Variants in FRY observed in about 807,000 individuals in gnomAD.
FRY encodes FRY microtubule binding protein, also known as protein furry homolog.
FRY carries 128 observed loss-of-function variants against 348.4 expected under a neutral mutation model. That is an observed-to-expected ratio of 0.37 (90% CI 0.32 to 0.43). The LOEUF is 0.43. Ranked by LOEUF, FRY falls within the 20% of genes least tolerant of loss-of-function variation. The pLI is 1.00. For missense variants in FRY, 2,736 were observed against 3,695.2 expected, an observed-to-expected ratio of 0.74 and a Z score of 6.73; for synonymous variants, 1,370 against 1,374.7, an observed-to-expected ratio of 1.00 and a Z score of 0.08.
Position 32,249,583 on chromosome 13 carries a change from A to G in FRY, c.7066A>G (p.Lys2356Glu). Reference protein sequence around the residue: ...ELQNSSGRDGKPRAMAVTRST... With the variant: ...ELQNSSGRDGEPRAMAVTRST... ...GCAGAATTCTTCTGGGCGTGATGGG[A>G]AGCCCAGGGCCATGGCCGTCACCCG... Residue 2356 changes from lysine (K) to glutamate (E), a missense_variant, in exon 49 of 61, where the codon AAG (lysine) becomes GAG (glutamate). By Grantham distance (56) the Lys-to-Glu change is moderately conservative. This residue lies in a region of FRY where 789 missense variants were observed against 996.2 expected (regional missense o/e 0.79). Coordinates refer to ENST00000542859, the MANE Select transcript of FRY (RefSeq NM_023037.3). The G allele has an allele frequency of 6.2e-7, 1 of 1,614,166 alleles. No individual in the cohort carries two copies.
At chr13:32,127,704 G>A (rs530500069) in intron 7 of FRY, among the ~76,000 whole-genome samples, 166 of 152,136 alleles carry the variant, frequency 1.1e-3, no homozygotes, top group African/African-American at 3.7e-3. Context: ...GCTTGAACCC[G>A]GGAGGCGGAG....
Position 32,231,260 on chromosome 13 carries a change from T to G in FRY, c.5487T>G (p.Phe1829Leu). ...AGAGTGCTGAACAGCTCACTAATTT[T>G]CTACGTCACGTTGTATCTGTATTTA... is the stretch of plus-strand genomic sequence containing the variant. ...NSKSAEQLTN[F>L]LRHVVSVFKD... The change falls in exon 41 of 61, where the codon TTT (phenylalanine) becomes TTG (leucine). Residue 1829 changes from phenylalanine (F) to leucine (L), a missense_variant. Phe to Leu is a conservative substitution (Grantham distance 22). Around this residue, in one of 9 missense-constraint regions of FRY, gnomAD observed 794 missense variants for 977.0 expected, o/e 0.81. Transcript: ENST00000542859. The G allele has an allele frequency of 1.2e-6, 2 of 1,613,644 alleles. No individual in the cohort carries two copies. The highest frequency in any genetic ancestry group is 1.7e-6 in the Non-Finnish European group (2 of 1,179,520).
At chr13:32,055,275 G>C (rs1205533489) in intron 1 of FRY, among the ~76,000 whole-genome samples, 1 of 152,032 alleles carries the variant, frequency 6.6e-6, no homozygotes, top group Non-Finnish European at 1.5e-5. Context: ...AAACTCCTGG[G>C]CTCAAGAGTC....
chr13:32,109,854 A>AG (rs1431574211), intron 3 of FRY, among the ~76,000 whole-genome samples: 2 of 152,252 alleles, frequency 1.3e-5, no homozygotes, highest in African/African-American at 2.4e-5. Context: ...ACTAGAGCAC[A>AG]TAAGTAAAGA....
At chr13:32,122,468 A>G (rs993457119) in intron 4 of FRY, among the ~76,000 whole-genome samples, 2 of 151,702 alleles carry the variant, frequency 1.3e-5, no homozygotes, top group Admixed American at 6.6e-5. Flanking sequence ...AAAAAAAAGC[A>G]TTAGACAAAA....
At chr13:32,286,240 CT>C (rs1889043888) in intron 58 of FRY, among the ~76,000 whole-genome samples, 1 of 152,076 alleles carries the variant, frequency 6.6e-6, no homozygotes, top group Admixed American at 6.5e-5. Context: ...AACTCAGATA[CT>C]TTTTGAAAGA....
At position 32,078,895 on chromosome 13, in the gene FRY, G is replaced by A; in HGVS notation, c.132G>A (p.Arg44=). 2 of 1,614,050 alleles carry A rather than the reference G, an allele frequency of 1.2e-6. No individual in the cohort carries two copies. The highest frequency in any genetic ancestry group is 1.7e-6 in the Non-Finnish European group (2 of 1,179,972). The part of the protein sequence containing the change: ...PPVPPASGTH[R]EKGPPTMLPI... ...TTCCACCTGCTTCTGGCACGCACAG[G>A]GAGAAAGGGCCGCCAACCATGCTAC... Residue 44 remains arginine, a synonymous_variant, in exon 2 of 61, where the codon AGG becomes AGA. Transcript: ENST00000542859.
rs541339594 is a variant in FRY at position 32,186,263 on chromosome 13, A to G, written c.3323A>G (p.His1108Arg). The change falls in exon 27 of 61, where the codon CAC becomes CGC. Residue 1108 changes from histidine (H) to arginine (R), a missense_variant. Physicochemically the swap from His to Arg is conservative, Grantham distance 29. This residue lies in a region of FRY where 449 missense variants were observed against 576.9 expected (regional missense o/e 0.78). Transcript: ENST00000542859. ...CTAAGTGTGTTTTTCTCCCTAGTTCACCACCGAAGATTTCTCTTCCCCCAG... is the reference window on the plus strand; with the variant it reads ...CTAAGTGTGTTTTTCTCCCTAGTTCGCCACCGAAGATTTCTCTTCCCCCAG... ...VANLIQCVPV[H>R]HRRFLFPQQS... The G allele has an allele frequency of 1.9e-6, 3 of 1,612,238 alleles. No homozygotes were observed. The South Asian group carries it at 3.3e-5, about 18-fold the overall frequency.
At position 32,278,321 on chromosome 13, in the gene FRY, C is replaced by A. The variant is rs78210359; in HGVS notation, c.8386-144C>A. On this transcript the variant is annotated intron_variant, in intron 57 of 60. Transcript: ENST00000542859. ...ACAGTTCATCTTTAACCCCCAAATA[C>A]GACCCTTTTCAAAAAGTCATTACAG... 1,594 of 658,956 alleles carry A rather than the reference C, an allele frequency of 2.4e-3. 18 individuals carry two copies. The African/African-American group carries it at 0.026, about 11-fold the overall frequency. The allele number at this position is 658,956 out of a possible 1,614,324, so 40.8% of individuals were successfully genotyped here.
At chr13:32,072,433 T>C (rs1007377067) in intron 1 of FRY, among the ~76,000 whole-genome samples, 4 of 152,062 alleles carry the variant, frequency 2.6e-5, no homozygotes, top group African/African-American at 9.7e-5. Context: ...AAACTATTGA[T>C]TTTTTTTGTC....
chr13:32,296,240 T>C lies in FRY; in HGVS notation c.*780T>C, dbSNP rs1011234720. The C allele has an allele frequency of 1.0e-4, 16 of 152,632 alleles. No individual in the cohort carries two copies. Among genetic ancestry groups the C allele is most frequent in the African/African-American group, 3.6e-4 (15 of 41,452 alleles). The allele number at this position is 152,632 out of a possible 1,614,324, so 9.5% of individuals were successfully genotyped here. ...CATATTTATACTGCTGAAGGATGAG[T>C]GTTAATTTTAATTAACTTTGCCGTT... On this transcript the variant is annotated 3_prime_UTR_variant, in exon 61 of 61. Coordinates refer to ENST00000542859, the MANE Select transcript of FRY (RefSeq NM_023037.3).
intron 2 of FRY, among the ~76,000 whole-genome samples, chr13:32,097,696 T>C (rs1221446318): frequency 6.6e-6 from 1 of 152,010 alleles, no homozygotes; most frequent in Non-Finnish European, 1.5e-5. Context: ...AGCTGTAGTA[T>C]TAGCTCTCTG....
At chr13:32,141,647 T>C (rs1422086868) in intron 11 of FRY, among the ~76,000 whole-genome samples, 1 of 152,214 alleles carries the variant, frequency 6.6e-6, no homozygotes, top group Non-Finnish European at 1.5e-5. Flanking sequence ...GGTGACTTGG[T>C]GCAAATAGTC....
chr13:32,091,475 T>C (rs1316991034), intron 2 of FRY, among the ~76,000 whole-genome samples: 1 of 152,224 alleles, frequency 6.6e-6, no homozygotes, highest in Non-Finnish European at 1.5e-5. Flanking sequence ...ACAAATGAGA[T>C]CTGATGAGAA....
chr13:32,066,439 T>C (rs1302149726), intron 1 of FRY, among the ~76,000 whole-genome samples: 3 of 152,226 alleles, frequency 2.0e-5, no homozygotes, highest in Non-Finnish European at 4.4e-5. Flanking sequence ...CACTCCCAGG[T>C]ATACATCCCT....
intron 1 of FRY, among the ~76,000 whole-genome samples, chr13:32,036,061 C>T (rs1276165254): frequency 6.6e-6 from 1 of 152,208 alleles, no homozygotes; most frequent in Non-Finnish European, 1.5e-5. Flanking sequence ...AGATTCTCTG[C>T]AGAGCAGTGT....
intron 7 of FRY, among the ~76,000 whole-genome samples, chr13:32,129,898 G>T (rs985175296): frequency 2.0e-5 from 3 of 151,986 alleles, no homozygotes; most frequent in African/African-American, 7.3e-5. Context: ...CCAACCACCA[G>T]CCCCTGTACT....
At position 32,296,669 on chromosome 13, in the gene FRY, T is replaced by C. The variant is rs1326340633; in HGVS notation, c.*1209T>C. The C allele has an allele frequency of 6.6e-6, 1 of 150,864 alleles. No homozygotes were observed. The highest frequency in any genetic ancestry group is 1.5e-5 in the Non-Finnish European group (1 of 67,806). 9.3% of individuals were successfully genotyped at this position (150,864 alleles called of 1,614,324 possible). On this transcript the variant is annotated 3_prime_UTR_variant, in exon 61 of 61. Coordinates refer to ENST00000542859, the MANE Select transcript of FRY (RefSeq NM_023037.3). ...GACCATGGACTTTATTTCTGGTTAATGAAAATGTTTGTCCTGGGCACACAT... is the reference window on the plus strand; with the variant it reads ...GACCATGGACTTTATTTCTGGTTAACGAAAATGTTTGTCCTGGGCACACAT...
At chr13:32,185,859 G>A (rs910719199) in intron 26 of FRY, among the ~76,000 whole-genome samples, 2 of 152,130 alleles carry the variant, frequency 1.3e-5, no homozygotes, top group East Asian at 1.9e-4. Context: ...TTCAGTTAAA[G>A]CGAAGTACCT....
Sources: gnomAD v4.1 joint callset for allele counts (sites outside exome capture counted in the v4.1 genomes callset) on GRCh38, gnomAD v4.1.1 for gene constraint, gnomAD v4.1.1 regional missense constraint, MANE v1.5 for transcripts, NCBI Gene and HGNC (gene_info 2026-07-23, HGNC 2026-07-21) for gene names.